Variants in MICAL3 observed in about 807,000 individuals in gnomAD.
The protein encoded by MICAL3 is microtubule associated monooxygenase, calponin and LIM domain containing 3.
A neutral mutation model predicts 207.4 loss-of-function variants in MICAL3; 62 were observed. That is an observed-to-expected ratio of 0.30 (90% CI 0.24 to 0.37). MICAL3 has a LOEUF of 0.37. Among genes scored for constraint, MICAL3 ranks in the 10% least tolerant of loss-of-function variants. The pLI, the probability that MICAL3 is intolerant of heterozygous loss-of-function variation, is 1.00. For synonymous variants in MICAL3, 1,077 were observed against 1,069.3 expected, an observed-to-expected ratio of 1.01 and a Z score of -0.14; for missense variants, 2,368 against 2,635.6, an observed-to-expected ratio of 0.90 and a Z score of 2.22.
At chr22:17,839,421 A>C (rs2094173173) in intron 20 of MICAL3, among the ~76,000 whole-genome samples, 1 of 147,512 alleles carries the variant, frequency 6.8e-6, no homozygotes, top group Admixed American at 6.8e-5. Context: ...CACACCTGGC[A>C]AGTTTTTGTA....
intron 1 of MICAL3, among the ~76,000 whole-genome samples, chr22:18,014,598 C>T (rs1366050534): frequency 6.6e-6 from 1 of 152,184 alleles, no homozygotes; most frequent in Non-Finnish European, 1.5e-5. Context: ...GGAGTTGTGA[C>T]CTACTTAAAA....
In MICAL3 at chr22:17,902,642, T is replaced by C. The variant is rs749903029; in HGVS notation, c.578A>G (p.Gln193Arg). 3 of 1,591,348 alleles carry C rather than the reference T, an allele frequency of 1.9e-6. No homozygotes were observed. Among genetic ancestry groups the C allele is most frequent in the Non-Finnish European group, 2.6e-6 (3 of 1,163,400 alleles). The change falls in exon 4 of 32, where the codon CAA (glutamine) becomes CGA (arginine). Residue 193 changes from glutamine to arginine, a missense_variant. Transcript: ENST00000441493. This position sits in a 1 kb window ranked among gnomAD's most constrained non-coding sequence, Gnocchi z 4.5. ...FQGLIQPPED[Q>R]ENERIGWRAL... ...CCAGTATAACTTACGTTCATTCTCT[T>C]GGTCCTCAGGAGGCTGTATAAGTCC... is the stretch of plus-strand genomic sequence containing the variant.
intron 29 of MICAL3, among the ~76,000 whole-genome samples, chr22:17,804,514 T>C (rs1297628657): frequency 2.0e-5 from 3 of 152,236 alleles, no homozygotes; most frequent in Admixed American, 2.0e-4. Flanking sequence ...TCATGCAGAG[T>C]TCTTCCCCCA....
At position 17,947,454 on chromosome 22, in the gene MICAL3, T is replaced by C. The variant is rs914998436; in HGVS notation, c.-74-40568A>G. ...CCGTGTTCTGTGCGCACCACTGAGA[T>C]AGAATTACCAACATGAACTGAACAG... On this transcript the variant is annotated intron_variant, in intron 1 of 31. Transcript: ENST00000441493. 4.6e-5 allele frequency among the ~76,000 whole-genome samples: 7 copies of C among 152,226 alleles called. No homozygotes were observed. The South Asian group carries it at 6.2e-4, about 13-fold the overall frequency.
intron 1 of MICAL3, chr22:18,001,546 T>G (rs1923019852): frequency 6.6e-6 from 1 of 152,266 alleles, no homozygotes; most frequent in South Asian, 2.1e-4. Context: ...GCGGGGGTTG[T>G]GGCCCTCGGG....
At chr22:17,897,038 C>T in intron 7 of MICAL3, 57 bp from the exon 8 acceptor site, 3 of 1,537,720 alleles carry the variant, frequency 2.0e-6, no homozygotes, top group Admixed American at 1.9e-5. Flanking sequence ...TCAGCCAGAA[C>T]CATGTTACAC....
At chr22:17,868,026 A>C (rs1927325859) in intron 17 of MICAL3, among the ~76,000 whole-genome samples, 2 of 152,216 alleles carry the variant, frequency 1.3e-5, no homozygotes, top group South Asian at 4.1e-4. Context: ...CATTTCAGAA[A>C]CAAGTCCTCC....
Position 17,893,988 on chromosome 22 carries a change from G to C in MICAL3, c.1450-84C>G, listed in dbSNP as rs1039440600. ...TACCTAAGAGCAGAATGGCTGAAAG[G>C]AAAGTCTGGGATAGAAGGCTGGGTA... is the stretch of plus-strand genomic sequence containing the variant. On this transcript the variant is annotated intron_variant, in intron 10 of 31. Coordinates refer to ENST00000441493, the MANE Select transcript of MICAL3 (RefSeq NM_015241.3). 4.5e-5 allele frequency: 44 copies of C among 976,024 alleles called. No homozygotes were observed. In the Admixed American group the frequency reaches 8.7e-4, roughly 19 times the overall value. The allele number at this position is 976,024 out of a possible 1,614,324, so 60.5% of individuals were successfully genotyped here. A position where few individuals can be genotyped will look rare whatever the true frequency, so the allele number is the denominator to read the frequency against.
intron 16 of MICAL3, among the ~76,000 whole-genome samples, chr22:17,874,108 G>A (rs12159733): frequency 0.024 from 3,631 of 152,324 alleles, 66 homozygotes; most frequent in African/African-American, 0.05. Context: ...ATGCACACAC[G>A]ACGAAGCCGT....
chr22:17,877,703 G>C (rs1217561761), intron 16 of MICAL3, among the ~76,000 whole-genome samples: 1 of 151,972 alleles, frequency 6.6e-6, no homozygotes, highest in East Asian at 1.9e-4. Flanking sequence ...CAGTTCAGAG[G>C]GAAAAAGAGA....
rs184049297 is a variant in MICAL3 at position 17,872,038 on chromosome 22, G to A, written c.2242-15C>T. Reference sequence around the variant, plus strand: ...TTCATGGAGCCCTGCAGGAGGTGGCGGTCGGGAGGAAGGGGAGCACCTCAG... The same window carrying A: ...TTCATGGAGCCCTGCAGGAGGTGGCAGTCGGGAGGAAGGGGAGCACCTCAG... On this transcript the variant is annotated splice_polypyrimidine_tract_variant and intron_variant, in intron 16 of 31. Coordinates refer to ENST00000441493, the MANE Select transcript of MICAL3 (RefSeq NM_015241.3). 1.5e-4 allele frequency: 237 copies of A among 1,586,482 alleles called. 1 individual carries two copies. In the African/African-American group the frequency reaches 2.1e-3, roughly 14 times the overall value.
At chr22:17,870,601 A>G (rs1158354271) in intron 17 of MICAL3, among the ~76,000 whole-genome samples, 2 of 152,224 alleles carry the variant, frequency 1.3e-5, no homozygotes, top group Non-Finnish European at 2.9e-5. Flanking sequence ...GAGGCTAACT[A>G]GAACACCCTG....
In MICAL3 at chr22:17,902,120, T is replaced by C. The variant is rs1931372301; in HGVS notation, c.590-141A>G. The C allele has an allele frequency of 3.2e-6, 2 of 629,722 alleles. No individual in the cohort carries two copies. The highest frequency in any genetic ancestry group is 2.8e-5 in the East Asian group (1 of 36,336). The allele number at this position is 629,722 out of a possible 1,614,324, so 39.0% of individuals were successfully genotyped here. A position where few individuals can be genotyped will look rare whatever the true frequency, so the allele number is the denominator to read the frequency against. On this transcript the variant is annotated intron_variant, in intron 4 of 31. Coordinates refer to ENST00000441493, the MANE Select transcript of MICAL3 (RefSeq NM_015241.3). The surrounding 1 kb of genome is among the most constrained non-coding windows in gnomAD (Gnocchi z 4.5). ...GTGTAGAAGCAGTGGAGACAGAGGC[T>C]GTGCACGGTGGCTCGTGCCTCTAAT...
At chr22:17,976,583 A>ATTTTTTTT (rs1214780677) in intron 1 of MICAL3, among the ~76,000 whole-genome samples, 1 of 87,692 alleles carries the variant, frequency 1.1e-5, no homozygotes, top group Non-Finnish European at 2.0e-5. Context: ...ATATATATAT[A>ATTTTTTTT]TATATATTTT....
At chr22:17,925,528 T>A (rs1035310535) in intron 1 of MICAL3, among the ~76,000 whole-genome samples, 1 of 152,136 alleles carries the variant, frequency 6.6e-6, no homozygotes, top group Non-Finnish European at 1.5e-5. Context: ...GAAGTTGATA[T>A]CTACTTGTTG....
At chr22:17,872,860 G>C (rs199620423) in intron 16 of MICAL3, 2 of 1,550,070 alleles carry the variant, frequency 1.3e-6, no homozygotes, top group African/African-American at 2.7e-5. Flanking sequence ...TACTTCTATC[G>C]GTTGAAGATT....
intron 1 of MICAL3, among the ~76,000 whole-genome samples, chr22:18,014,986 C>CAAA (rs10689117): frequency 3.5e-4 from 49 of 140,546 alleles, no homozygotes; most frequent in South Asian, 1.6e-3. Context: ...GACTCCATCT[C>CAAA]AAAAAAAAAA....
intron 1 of MICAL3, among the ~76,000 whole-genome samples, chr22:17,908,634 C>T (rs1477995826): frequency 6.6e-6 from 1 of 152,210 alleles, no homozygotes; most frequent in African/African-American, 2.4e-5. Flanking sequence ...AAGGCTACTG[C>T]TGAGAAATCC....
chr22:17,867,773 G>A (rs926376389), intron 17 of MICAL3, among the ~76,000 whole-genome samples: 40 of 152,218 alleles, frequency 2.6e-4, no homozygotes, highest in Admixed American at 3.3e-4. Flanking sequence ...ATAAAGTTAA[G>A]GCTTCAACTG....
Sources: allele counts gnomAD v4.1 joint callset (sites outside exome capture counted in the v4.1 genomes callset), GRCh38; gene constraint gnomAD v4.1.1; non-coding constraint Gnocchi (gnomAD v3.1); transcripts MANE v1.5; gene names NCBI Gene and HGNC (gene_info 2026-07-23, HGNC 2026-07-21).